ABCA4: variants seen among roughly 807,000 people sequenced by gnomAD.
ABCA4 encodes the protein retinal-specific phospholipid-transporting ATPase ABCA4.
In ABCA4, 196 loss-of-function variants were observed where a neutral mutation model predicts 263.7. That is an observed-to-expected ratio of 0.74 (90% CI 0.66 to 0.84). The LOEUF is 0.84. Among genes scored for constraint, ABCA4 ranks in the 40% least tolerant of loss-of-function variants. ABCA4 has a pLI of 0.00. For missense variants in ABCA4, 2,792 were observed against 2,855.1 expected, an observed-to-expected ratio of 0.98 and a Z score of 0.50; for synonymous variants, 1,133 against 1,094.2, an observed-to-expected ratio of 1.04 and a Z score of -0.70.
chr1:94,044,050 C>T (rs1251542908), intron 20 of ABCA4, among the ~76,000 whole-genome samples: 2 of 57,258 alleles, frequency 3.5e-5, no homozygotes, highest in African/African-American at 4.6e-5. Context: ...TCCTTCTCCC[C>T]TCCCTCCCTC....
intron 32 of ABCA4, among the ~76,000 whole-genome samples, chr1:94,022,919 C>T (rs1659940251): frequency 6.6e-6 from 1 of 152,178 alleles, no homozygotes; most frequent in Admixed American, 6.5e-5. Flanking sequence ...TGGGAGGCAG[C>T]AGGCTCCTAG....
chr1:94,063,334 A>G lies in ABCA4; in HGVS notation c.1555-17T>C. The G allele has an allele frequency of 6.2e-7, 1 of 1,612,954 alleles. No homozygotes were observed. Among genetic ancestry groups the G allele is most frequent in the Middle Eastern group, 1.7e-4 (1 of 6,048 alleles). ...GACCAAGCACTGCAGAGAGTCACAA[A>G]GTTGAGAGAGTGTGAGGAGGACCAA... On this transcript the variant is annotated splice_polypyrimidine_tract_variant and intron_variant, in intron 11 of 49. Coordinates refer to ENST00000370225, the MANE Select transcript of ABCA4 (RefSeq NM_000350.3).
At position 94,080,646 on chromosome 1, in the gene ABCA4, T is replaced by C; in HGVS notation, c.931A>G (p.Thr311Ala). The change falls in exon 8 of 50, where the codon ACC becomes GCC. Residue 311 changes from threonine to alanine, a missense_variant. Physicochemically the swap from Thr to Ala is moderately conservative, Grantham distance 58 (BLOSUM62 0). Coordinates refer to ENST00000370225, the MANE Select transcript of ABCA4 (RefSeq NM_000350.3). ...RPLMQNGGPE[T>A]FTKLMGILSD... ...AGGATGCCCATCAGCTTTGTAAAGG[T>C]CTCTGGACCACCATTCTGCATGAGG... The C allele has an allele frequency of 1.2e-6, 2 of 1,613,964 alleles. No homozygotes were observed. The highest frequency in any genetic ancestry group is 1.7e-6 in the Non-Finnish European group (2 of 1,179,998).
intron 27 of ABCA4, among the ~76,000 whole-genome samples, chr1:94,031,573 G>A (rs1303007222): frequency 6.6e-6 from 1 of 152,132 alleles, no homozygotes; most frequent in Non-Finnish European, 1.5e-5. Context: ...TATTTTCTTT[G>A]CTAGGGGAGG....
At position 94,001,082 on chromosome 1, in the gene ABCA4, G is replaced by T. The variant is rs568627877; in HGVS notation, c.6306C>A (p.Asp2102Glu). 4.3e-6 allele frequency: 7 copies of T among 1,614,068 alleles called. No homozygotes were observed. In the Admixed American group the frequency reaches 1.0e-4, roughly 23 times the overall value. ...VLLDEPTTGM[D>E]PQARRMLWNV... ...TCCACAGCATGCGGCGTGCCTGGGG[G>T]TCCATCCCTGTGGTGGGCTCATCCT... Residue 2102 changes from aspartate (D) to glutamate (E), a missense_variant, in exon 46 of 50, where the codon GAC (aspartate) becomes GAA (glutamate). Coordinates refer to ENST00000370225, the MANE Select transcript of ABCA4 (RefSeq NM_000350.3).
chr1:94,108,553 T>C, intron 4 of ABCA4, 24 bp downstream of exon 4: 1 of 1,613,038 alleles, frequency 6.2e-7, no homozygotes, highest in African/African-American at 1.3e-5. Flanking sequence ...AAATGATGCT[T>C]GAGAGCACTG....
chr1:94,060,410 AG>A (rs765335819), intron 14 of ABCA4, 126 bp downstream of exon 14: 1 of 876,270 alleles, frequency 1.1e-6, no homozygotes, highest in South Asian at 1.4e-5. Context: ...GCTAAAAGGA[AG>A]GGCTGGGAAG....
chr1:94,054,942 C>T (rs1474271363), intron 16 of ABCA4, among the ~76,000 whole-genome samples, 169 bp downstream of exon 16: 1 of 152,060 alleles, frequency 6.6e-6, no homozygotes, highest in Non-Finnish European at 1.5e-5. Flanking sequence ...ATTTGTTTCT[C>T]AAGTAGAGCC....
intron 11 of ABCA4, among the ~76,000 whole-genome samples, chr1:94,069,424 G>C (rs72725182): frequency 0.032 from 4,838 of 152,292 alleles, 119 homozygotes; most frequent in Non-Finnish European, 0.046. Flanking sequence ...CATCCAGGAC[G>C]TGCTAGGAGT....
At chr1:94,088,396 C>T (rs1661887762) in intron 6 of ABCA4, among the ~76,000 whole-genome samples, 1 of 152,180 alleles carries the variant, frequency 6.6e-6, no homozygotes, top group African/African-American at 2.4e-5. Flanking sequence ...GTCTCATTTC[C>T]TTTATCATTT....
At chr1:94,077,915 T>C in intron 10 of ABCA4, 28 bp from the exon 11 acceptor site, 3 of 1,596,226 alleles carry the variant, frequency 1.9e-6, no homozygotes, top group Non-Finnish European at 2.6e-6. Context: ...CAGTCACTGC[T>C]CTGCTTAGAA....
chr1:94,109,739 G>C (rs551336771), intron 3 of ABCA4, among the ~76,000 whole-genome samples: 8 of 152,162 alleles, frequency 5.3e-5, no homozygotes, highest in South Asian at 2.1e-4. Flanking sequence ...CCTGAGCCCC[G>C]CCTTGCTGCC....
rs755826006 is a variant in ABCA4 at position 94,019,640 on chromosome 1, T to C, written c.5138A>G (p.Gln1713Arg). 2.5e-6 allele frequency: 4 copies of C among 1,612,444 alleles called. No homozygotes were observed. Among genetic ancestry groups the C allele is most frequent in the Admixed American group, 3.3e-5 (2 of 59,784 alleles). ...QERVNKSKHL[Q>R]FISGVSPTTY... is the part of the protein sequence containing the mutation. ...GGTGGGGCTCACTCCACTGATAAAC[T>C]GGAGGTGCTTGGATTTGTTCACCCG... The change falls in exon 36 of 50, where the codon CAG becomes CGG. Residue 1713 changes from glutamine to arginine, a missense_variant. Transcript: ENST00000370225.
At chr1:94,117,749 C>T (rs531815973) in intron 1 of ABCA4, among the ~76,000 whole-genome samples, 4 of 152,272 alleles carry the variant, frequency 2.6e-5, no homozygotes, top group Admixed American at 2.6e-4. Flanking sequence ...ATCCGTGTTT[C>T]CTTCTACTCC....
intron 23 of ABCA4, 56 bp downstream of exon 23, chr1:94,041,153 C>G (rs1363618853): frequency 6.3e-7 from 1 of 1,587,102 alleles, no homozygotes; most frequent in Non-Finnish European, 8.6e-7. Context: ...GTGGCAGCCC[C>G]GTGCTGTGTG....
At chr1:94,043,669 T>C (rs1016804656) in intron 20 of ABCA4, among the ~76,000 whole-genome samples, 194 bp from the exon 21 acceptor site, 4 of 152,204 alleles carry the variant, frequency 2.6e-5, no homozygotes, top group African/African-American at 7.2e-5. Context: ...ACATAGTTCA[T>C]GCATACAATG....
chr1:94,115,563 T>C (rs56127428), intron 1 of ABCA4, among the ~76,000 whole-genome samples: 13,055 of 152,190 alleles, frequency 0.086, 688 homozygotes, highest in East Asian at 0.26. Flanking sequence ...TATGTGACCT[T>C]GGGCAGCCCA....
rs1662651099 is a variant in ABCA4, at chr1:94,112,957, A to G, written c.160+16T>C. The G allele has an allele frequency of 6.2e-7, 1 of 1,605,622 alleles. No individual in the cohort carries two copies. Among genetic ancestry groups the G allele is most frequent in the Non-Finnish European group, 8.5e-7 (1 of 1,172,232 alleles). Reference sequence around the variant, plus strand: ...AGTCTCTTCAGGGCTTGCCCAAGCTACCCTGCTATGCTTACATTCATGATG... The same window carrying G: ...AGTCTCTTCAGGGCTTGCCCAAGCTGCCCTGCTATGCTTACATTCATGATG... On this transcript the variant is annotated intron_variant, in intron 2 of 49. Coordinates refer to ENST00000370225, the MANE Select transcript of ABCA4 (RefSeq NM_000350.3).
At chr1:94,074,369 C>T (rs1194619423) in intron 11 of ABCA4, among the ~76,000 whole-genome samples, 2 of 152,122 alleles carry the variant, frequency 1.3e-5, no homozygotes, top group Non-Finnish European at 2.9e-5. Context: ...TTAACTCAAG[C>T]TGGATTAAAG....
Sources: allele counts gnomAD v4.1 joint callset (sites outside exome capture counted in the v4.1 genomes callset), GRCh38; gene constraint gnomAD v4.1.1; transcripts MANE v1.5; gene names NCBI Gene and HGNC (gene_info 2026-07-23, HGNC 2026-07-21).